SLC25A21: variants seen among roughly 807,000 people sequenced by gnomAD.
SLC25A21 encodes the protein solute carrier family 25 member 21, also known as mitochondrial 2-oxodicarboxylate carrier.
In SLC25A21, 47 loss-of-function variants were observed where a neutral mutation model predicts 43.8. The observed-to-expected ratio is 1.07, with a 90% CI of 0.85 to 1.37. SLC25A21 has a LOEUF of 1.37. SLC25A21 is among the 40% of genes most tolerant of loss of function. SLC25A21 has a pLI of 0.00. For synonymous variants in SLC25A21, 131 were observed against 121.3 expected (o/e 1.08, Z -0.52); for missense variants, 352 against 350.2 (o/e 1.00, Z -0.04).
intron 1 of SLC25A21, among the ~76,000 whole-genome samples, chr14:37,001,360 T>C (rs1174850095): frequency 6.6e-6 from 1 of 152,124 alleles, no homozygotes; most frequent in Non-Finnish European, 1.5e-5. Flanking sequence ...ATTCACTTTA[T>C]CAGTGAAGAA....
At chr14:36,969,463 G>A (rs1291793166) in intron 1 of SLC25A21, among the ~76,000 whole-genome samples, 1 of 152,070 alleles carries the variant, frequency 6.6e-6, no homozygotes, top group Non-Finnish European at 1.5e-5. Flanking sequence ...TAGGGCCCAA[G>A]GAACTCCTAG....
At position 36,679,989 on chromosome 14, in the gene SLC25A21, T is replaced by TA. The variant is rs1457274211; in HGVS notation, c.*668dup. 1 of 842,964 alleles carries TA rather than the reference T, an allele frequency of 1.2e-6. No individual in the cohort carries two copies. Among genetic ancestry groups the TA allele is most frequent in the East Asian group, 1.4e-4 (1 of 7,222 alleles). 52.2% of individuals were successfully genotyped at this position (842,964 alleles called of 1,614,324 possible). ...TAACATTCTGTTTTAAACAATGTTT[T>TA]AAAATACCTATTTATTATCTTACAG... On this transcript the variant is annotated 3_prime_UTR_variant, in exon 10 of 10. Transcript: ENST00000331299.
chr14:36,941,718 C>T (rs1892562826), intron 1 of SLC25A21, among the ~76,000 whole-genome samples: 1 of 151,506 alleles, frequency 6.6e-6, no homozygotes, highest in Admixed American at 6.6e-5. Context: ...ATATTAACTG[C>T]TAATTATTGA....
At chr14:37,061,404 G>T (rs1050461646) in intron 1 of SLC25A21, among the ~76,000 whole-genome samples, 1 of 152,058 alleles carries the variant, frequency 6.6e-6, no homozygotes, top group African/African-American at 2.4e-5. Context: ...TTTTCTTCAT[G>T]GCAACAGAGG....
chr14:37,118,029 C>T (rs1236728200), intron 1 of SLC25A21, among the ~76,000 whole-genome samples: 1 of 151,966 alleles, frequency 6.6e-6, no homozygotes, highest in East Asian at 1.9e-4. Flanking sequence ...TAATAGCCCT[C>T]CCCAGAAACT....
chr14:36,839,633 T>G (rs1287094806), intron 2 of SLC25A21, among the ~76,000 whole-genome samples: 1 of 152,214 alleles, frequency 6.6e-6, no homozygotes. Context: ...GAGATGTGTA[T>G]CTTGGAGATC....
At chr14:36,904,545 C>T (rs188945453) in intron 1 of SLC25A21, among the ~76,000 whole-genome samples, 130 of 152,292 alleles carry the variant, frequency 8.5e-4, no homozygotes, top group African/African-American at 3.0e-3. Context: ...TCTGTTCTCA[C>T]ACTTCTGTAA....
At chr14:36,725,527 A>G in intron 6 of SLC25A21, 43 bp downstream of exon 6, 1 of 708,900 alleles carries the variant, frequency 1.4e-6, no homozygotes, top group Non-Finnish European at 2.1e-6. Context: ...AAATAAATAA[A>G]TTTTTACATG....
intron 1 of SLC25A21, among the ~76,000 whole-genome samples, chr14:37,027,275 A>G (rs1334033579): frequency 6.6e-6 from 1 of 152,118 alleles, no homozygotes; most frequent in Non-Finnish European, 1.5e-5. Context: ...TACTTTGTAA[A>G]TCATATTTGA....
chr14:36,922,862 A>G (rs1357297720), intron 1 of SLC25A21, among the ~76,000 whole-genome samples: 3 of 152,178 alleles, frequency 2.0e-5, no homozygotes, highest in Non-Finnish European at 4.4e-5. Context: ...TGCCTGCAAA[A>G]CAAACTAAAA....
At chr14:37,129,101 C>T (rs1462921122) in intron 1 of SLC25A21, among the ~76,000 whole-genome samples, 1 of 152,170 alleles carries the variant, frequency 6.6e-6, no homozygotes, top group Non-Finnish European at 1.5e-5. Flanking sequence ...AGGACGTTTC[C>T]ATCAATGCAG....
chr14:37,080,070 C>A (rs1962356320), intron 1 of SLC25A21, among the ~76,000 whole-genome samples: 4 of 152,164 alleles, frequency 2.6e-5, no homozygotes, highest in Admixed American at 2.6e-4. Flanking sequence ...TCTTGGACTT[C>A]CCAGCGTACA....
At chr14:37,121,262 G>C (rs1260461416) in intron 1 of SLC25A21, among the ~76,000 whole-genome samples, 1 of 152,046 alleles carries the variant, frequency 6.6e-6, no homozygotes, top group Non-Finnish European at 1.5e-5. Flanking sequence ...CAGTTATTTG[G>C]TCCTTTCTTT....
chr14:36,768,940 A>AAC (rs1555326960), intron 3 of SLC25A21, among the ~76,000 whole-genome samples: 1 of 147,190 alleles, frequency 6.8e-6, no homozygotes, highest in East Asian at 2.1e-4. Flanking sequence ...TACCAAAAAA[A>AAC]AAAAAAACAA....
At chr14:36,769,608 T>C (rs571392023) in intron 3 of SLC25A21, among the ~76,000 whole-genome samples, 1 of 152,356 alleles carries the variant, frequency 6.6e-6, no homozygotes, top group South Asian at 2.1e-4. Flanking sequence ...TGGCAATTTA[T>C]CTTTGCGTGG....
chr14:37,017,194 A>C (rs908924362), intron 1 of SLC25A21, among the ~76,000 whole-genome samples: 1 of 152,028 alleles, frequency 6.6e-6, no homozygotes, highest in Non-Finnish European at 1.5e-5. Flanking sequence ...TTCCTCACTA[A>C]GCTTAATCAT....
intron 1 of SLC25A21, among the ~76,000 whole-genome samples, chr14:36,931,316 G>T (rs970876560): frequency 6.6e-6 from 1 of 152,140 alleles, no homozygotes; most frequent in African/African-American, 2.4e-5. Context: ...CTTCTCAGAG[G>T]CATTCACTCT....
chr14:36,996,749 G>A (rs966317353), intron 1 of SLC25A21, among the ~76,000 whole-genome samples: 2 of 152,160 alleles, frequency 1.3e-5, no homozygotes, highest in Non-Finnish European at 2.9e-5. Flanking sequence ...GTCAGCCGAG[G>A]AGTCAGCACA....
At chr14:37,170,126 C>G (rs754208427) in intron 1 of SLC25A21, among the ~76,000 whole-genome samples, 1 of 151,962 alleles carries the variant, frequency 6.6e-6, no homozygotes, top group African/African-American at 2.4e-5. Flanking sequence ...ACCTCCGCCT[C>G]CTGGGTTCAA....
Sources: gnomAD v4.1 joint callset for allele counts (sites outside exome capture counted in the v4.1 genomes callset) on GRCh38, gnomAD v4.1.1 for gene constraint, MANE v1.5 for transcripts, NCBI Gene and HGNC (gene_info 2026-07-23, HGNC 2026-07-21) for gene names.